Variants in POU6F2 observed in about 807,000 individuals in gnomAD.
The protein encoded by POU6F2 is POU class 6 homeobox 2.
POU6F2 carries 31 observed loss-of-function variants against 71.3 expected under a neutral mutation model. The ratio of observed to expected loss-of-function variants is 0.43; its 90% confidence interval spans 0.33 to 0.59. The LOEUF is 0.59. POU6F2 is among the 20% of genes least tolerant of loss of function. POU6F2 has a pLI of 0.04. For synonymous variants in POU6F2, 347 were observed against 355.7 expected (o/e 0.98, Z 0.27); for missense variants, 783 against 856.8 (o/e 0.91, Z 1.07).
chr7:39,294,861 G>A (rs774611931), intron 4 of POU6F2, among the ~76,000 whole-genome samples: 5 of 152,144 alleles, frequency 3.3e-5, no homozygotes, highest in Non-Finnish European at 7.4e-5. Flanking sequence ...CCTCTTATGG[G>A]ATGCTTGCTG....
rs2128730469 is a variant in POU6F2, at chr7:39,134,911, A to G, written c.277+48880A>G. 2.0e-5 allele frequency among the ~76,000 whole-genome samples: 3 copies of G among 152,368 alleles called. No individual in the cohort carries two copies. In the East Asian group the frequency reaches 5.8e-4, roughly 29 times the overall value. ...AGATACAGTCAAAGGCAAGTTCATA[A>G]TTTTGTAATATTTCTTCATAAAAGA... On this transcript the variant is annotated intron_variant, in intron 2 of 9. Coordinates refer to ENST00000518318, the MANE Select transcript of POU6F2 (RefSeq NM_001370959.1).
rs530281877 is a variant in POU6F2 at position 39,291,974 on chromosome 7, A to G, written c.599-47668A>G. ...TTTTTTTTTTTTTAATACATGGTCCAAGAAGATAAATGTTTATGTTGGATA... is the reference window on the plus strand; with the variant it reads ...TTTTTTTTTTTTTAATACATGGTCCGAGAAGATAAATGTTTATGTTGGATA... On this transcript the variant is annotated intron_variant, in intron 4 of 9. Transcript: ENST00000518318. Among the ~76,000 whole-genome samples the G allele has an allele frequency of 2.1e-4, 31 of 151,194 alleles. 1 individual carries two copies.
At chr7:39,218,470 C>T (rs1400503670) in intron 4 of POU6F2, among the ~76,000 whole-genome samples, 1 of 152,150 alleles carries the variant, frequency 6.6e-6, no homozygotes, top group Admixed American at 6.5e-5. Flanking sequence ...GTGTGTAATT[C>T]TTGCAGGGTA....
chr7:39,362,388 C>T (rs1786407927), intron 5 of POU6F2, among the ~76,000 whole-genome samples: 2 of 152,004 alleles, frequency 1.3e-5, no homozygotes, highest in African/African-American at 4.8e-5. Context: ...TTGTTAGGAC[C>T]CTCCCTTCTG....
intron 2 of POU6F2, among the ~76,000 whole-genome samples, chr7:39,090,739 A>G (rs73381076): frequency 0.042 from 6,434 of 152,240 alleles, 446 homozygotes; most frequent in African/African-American, 0.14. Context: ...ACCCCTTTTC[A>G]CCAAAGAAAG....
In POU6F2 at chr7:39,460,545, A is replaced by G. The variant is rs1227585387; in HGVS notation, c.1490-2A>G. On this transcript the variant is annotated splice_acceptor_variant, in intron 8 of 9. Transcript: ENST00000518318. LOFTEE classifies it high-confidence loss of function. This position sits in a 1 kb window ranked among gnomAD's most constrained non-coding sequence, Gnocchi z 4.4. ...ATCCTATTTTTAAAAACATCTCCAC[A>G]GATCCTCAAACGGCAGCGGGTGAGG... is the stretch of plus-strand genomic sequence containing the variant. 2.5e-6 allele frequency: 4 copies of G among 1,613,390 alleles called. No individual in the cohort carries two copies. The highest frequency in any genetic ancestry group is 1.6e-4 in the Middle Eastern group (1 of 6,062).
chr7:39,437,963 T>C (rs767626144), intron 7 of POU6F2, among the ~76,000 whole-genome samples: 1 of 152,100 alleles, frequency 6.6e-6, no homozygotes, highest in African/African-American at 2.4e-5. Context: ...TTTATTATTA[T>C]ACTTTAAGTT....
At chr7:39,163,613 G>A (rs1291602419) in intron 2 of POU6F2, among the ~76,000 whole-genome samples, 1 of 152,112 alleles carries the variant, frequency 6.6e-6, no homozygotes, top group Non-Finnish European at 1.5e-5. Context: ...ACCTCTCTTG[G>A]TTTCAGTTTC....
chr7:39,190,444 A>G (rs1793639672), intron 2 of POU6F2, among the ~76,000 whole-genome samples: 1 of 148,292 alleles, frequency 6.7e-6, no homozygotes, highest in African/African-American at 2.5e-5. Flanking sequence ...AAAAAAAAAA[A>G]AAGGTTTGAG....
chr7:39,167,284 A>G lies in POU6F2; in HGVS notation c.278-36951A>G, dbSNP rs561961524. Among the ~76,000 whole-genome samples, 15 of 152,332 alleles carry G rather than the reference A, an allele frequency of 9.8e-5. No homozygotes were observed. The South Asian group carries it at 1.2e-3, about 13-fold the overall frequency. ...ACTTTTCTTTTGTACTGCATAAAACATCATTAATATCTGCCTATAGCAGTG... is the reference window on the plus strand; with the variant it reads ...ACTTTTCTTTTGTACTGCATAAAACGTCATTAATATCTGCCTATAGCAGTG... On this transcript the variant is annotated intron_variant, in intron 2 of 9. Transcript: ENST00000518318.
In POU6F2 at chr7:39,186,832, C is replaced by G. The variant is rs545420187; in HGVS notation, c.278-17403C>G. ...CTCTGTTTCTTCCCCTCCTGACACA[C>G]CTGTGGGCTCTACCCTGCCCCCAGG... On this transcript the variant is annotated intron_variant, in intron 2 of 9. Transcript: ENST00000518318. 6.6e-5 allele frequency among the ~76,000 whole-genome samples: 10 copies of G among 152,274 alleles called. No homozygotes were observed. The South Asian group carries it at 2.1e-3, about 32-fold the overall frequency.
intron 5 of POU6F2, among the ~76,000 whole-genome samples, chr7:39,372,614 A>C (rs1786636856): frequency 1.3e-5 from 2 of 152,204 alleles, no homozygotes; most frequent in Admixed American, 1.3e-4. Context: ...TCAGTCTACC[A>C]ACTTAAATGT....
chr7:39,272,479 G>A (rs1243845562), intron 4 of POU6F2, among the ~76,000 whole-genome samples: 2 of 152,088 alleles, frequency 1.3e-5, no homozygotes, highest in Admixed American at 1.3e-4. Flanking sequence ...GGACAGAGCT[G>A]TAATAGGAGC....
chr7:39,445,229 AT>A (rs1788496928), intron 7 of POU6F2, among the ~76,000 whole-genome samples: 1 of 152,184 alleles, frequency 6.6e-6, no homozygotes. Flanking sequence ...CTGATTCTCA[AT>A]TTTTTCTCAA....
chr7:39,207,730 T>G (rs1364661220), intron 4 of POU6F2, 110 bp downstream of exon 4: 13 of 1,066,640 alleles, frequency 1.2e-5, no homozygotes, highest in Non-Finnish European at 1.8e-5. Flanking sequence ...CAGAGTTGCT[T>G]CTGCCCTAAA....
chr7:39,165,818 A>G (rs1793102751), intron 2 of POU6F2, among the ~76,000 whole-genome samples: 1 of 152,226 alleles, frequency 6.6e-6, no homozygotes, highest in Non-Finnish European at 1.5e-5. Context: ...GCAAAAAGTA[A>G]TAATTAGCCA....
intron 4 of POU6F2, among the ~76,000 whole-genome samples, chr7:39,232,526 AT>A (rs2128750222): frequency 6.6e-6 from 1 of 152,292 alleles, no homozygotes; most frequent in South Asian, 2.1e-4. Flanking sequence ...AAAACATCCA[AT>A]TTTTTAAGAA....
intron 1 of POU6F2, among the ~76,000 whole-genome samples, chr7:39,006,161 T>A (rs540962700): frequency 1.7e-3 from 263 of 152,184 alleles, no homozygotes; most frequent in Middle Eastern, 6.8e-3. Context: ...TAAGTCCCCA[T>A]TCTAGTTAAT....
At chr7:39,255,030 T>C (rs889402944) in intron 4 of POU6F2, among the ~76,000 whole-genome samples, 1 of 152,232 alleles carries the variant, frequency 6.6e-6, no homozygotes, top group Non-Finnish European at 1.5e-5. Context: ...CTTTTGAGTG[T>C]GAATATCCTT....
Sources: allele counts gnomAD v4.1 joint callset (sites outside exome capture counted in the v4.1 genomes callset), GRCh38; gene constraint gnomAD v4.1.1; non-coding constraint Gnocchi (gnomAD v3.1); transcripts MANE v1.5; gene names NCBI Gene and HGNC (gene_info 2026-07-23, HGNC 2026-07-21).